Variants in CTIF observed in about 807,000 individuals in gnomAD.
CTIF encodes the protein CBP80/20-dependent translation initiation factor.
CTIF carries 21 observed loss-of-function variants against 66.0 expected under a neutral mutation model. That is an observed-to-expected ratio of 0.32 (90% confidence interval 0.23 to 0.46). The LOEUF is 0.46. Among genes scored for constraint, CTIF ranks in the 20% least tolerant of loss-of-function variants. CTIF has a pLI of 1.00. For missense variants in CTIF, 739 were observed against 812.7 expected (o/e 0.91, Z 1.10); for synonymous variants, 345 against 326.4 (o/e 1.06, Z -0.62).
Position 48,859,381 on chromosome 18 carries a change from C to T in CTIF, c.1619C>T (p.Pro540Leu). 1 of 1,614,126 alleles carries T rather than the reference C, an allele frequency of 6.2e-7. No individual in the cohort carries two copies. The highest frequency in any genetic ancestry group is 8.5e-7 in the Non-Finnish European group (1 of 1,180,034). Residue 540 changes from proline to leucine, a missense_variant, in exon 12 of 12, where the codon CCT becomes CTT. This residue lies in a region of CTIF where 210 missense variants were observed against 292.3 expected (regional missense o/e 0.72). Coordinates refer to ENST00000256413, the MANE Select transcript of CTIF (RefSeq NM_014772.3). ...STGRLLEEQL[P>L]EMMTELLASA... is the part of the protein sequence containing the mutation. Reference sequence around the variant, plus strand: ...GGCCGGCTGCTGGAGGAACAGCTGCCTGAGATGATGACAGAGCTCCTGGCC... The same window carrying T: ...GGCCGGCTGCTGGAGGAACAGCTGCTTGAGATGATGACAGAGCTCCTGGCC...
chr18:48,554,224 C>A (rs1427633540), intron 1 of CTIF, among the ~76,000 whole-genome samples: 1 of 152,184 alleles, frequency 6.6e-6, no homozygotes, highest in Non-Finnish European at 1.5e-5. Context: ...GCACTTCTTC[C>A]AATGGGAACA....
chr18:48,652,277 T>C (rs1381547263), intron 3 of CTIF, among the ~76,000 whole-genome samples: 4 of 151,704 alleles, frequency 2.6e-5, no homozygotes, highest in Non-Finnish European at 5.9e-5. Flanking sequence ...ATCAAATAGA[T>C]GCAATAAAAA....
intron 10 of CTIF, among the ~76,000 whole-genome samples, chr18:48,841,718 G>A (rs1024377882): frequency 2.6e-5 from 4 of 152,130 alleles, no homozygotes; most frequent in Non-Finnish European, 5.9e-5. Context: ...CCACCAGCCC[G>A]GTGCCTGGGA....
intron 2 of CTIF, among the ~76,000 whole-genome samples, chr18:48,633,194 G>T (rs972094410): frequency 6.6e-6 from 1 of 152,140 alleles, no homozygotes; most frequent in Non-Finnish European, 1.5e-5. Context: ...GGTCACCTAG[G>T]ATGGGATGAG....
chr18:48,730,332 C>CCTGAGGTGTGAGGGGCTT (rs1568171136), intron 7 of CTIF, among the ~76,000 whole-genome samples: 9 of 87,894 alleles, frequency 1.0e-4, no homozygotes, highest in African/African-American at 2.9e-4. Flanking sequence ...GTGAGGGGCC[C>CCTGAGGTGTGAGGGGCTT]CTGCGGTGTG....
In CTIF at chr18:48,737,147, A is replaced by G. The variant is rs574770605; in HGVS notation, c.585-20772A>G. Among the ~76,000 whole-genome samples the G allele has an allele frequency of 7.6e-4, 115 of 152,206 alleles. 4 individuals are homozygous for G. In the South Asian group the frequency reaches 0.018, roughly 24 times the overall value. On this transcript the variant is annotated intron_variant, in intron 7 of 11. Transcript: ENST00000256413. Reference sequence around the variant, plus strand: ...TCCTTCCTCCAAGGAGAAGTTGGCTAGTTCTGTGGCTTGGCCGGGAGTGGG... The same window carrying G: ...TCCTTCCTCCAAGGAGAAGTTGGCTGGTTCTGTGGCTTGGCCGGGAGTGGG...
At chr18:48,649,455 C>T (rs1483135224) in intron 3 of CTIF, among the ~76,000 whole-genome samples, 1 of 152,234 alleles carries the variant, frequency 6.6e-6, no homozygotes, top group South Asian at 2.1e-4. Flanking sequence ...TGGGGAAGCT[C>T]GAACTGGGCA....
chr18:48,718,035 C>T (rs1294443069), intron 7 of CTIF, among the ~76,000 whole-genome samples: 2 of 152,194 alleles, frequency 1.3e-5, no homozygotes, highest in Admixed American at 6.5e-5. Flanking sequence ...AGCCACCATA[C>T]CCAGCTACCT....
At chr18:48,811,602 T>C (rs2068259798) in intron 9 of CTIF, among the ~76,000 whole-genome samples, 1 of 152,188 alleles carries the variant, frequency 6.6e-6, no homozygotes, top group Non-Finnish European at 1.5e-5. Flanking sequence ...CATTCTACTG[T>C]CGTTTCTGTT....
At chr18:48,767,090 T>C (rs1341469236) in intron 9 of CTIF, among the ~76,000 whole-genome samples, 1 of 152,216 alleles carries the variant, frequency 6.6e-6, no homozygotes, top group African/African-American at 2.4e-5. Context: ...CCAACTTCTC[T>C]GGCTTTGCAG....
Position 48,861,497 on chromosome 18 carries a change from AGGC to A in CTIF, c.*1939_*1941del, listed in dbSNP as rs2069466591. 1 of 142,518 alleles carries A rather than the reference AGGC, an allele frequency of 7.0e-6. No individual in the cohort carries two copies. The highest frequency in any genetic ancestry group is 3.1e-5 in the African/African-American group (1 of 32,326). 8.8% of individuals were successfully genotyped at this position (142,518 alleles called of 1,614,324 possible). A position where few individuals can be genotyped will look rare whatever the true frequency, so the allele number is the denominator to read the frequency against. Reference sequence around the variant, plus strand: ...GGGCTGATGCGGGGCTGCTCAGGGCAGGCCCCAGGGCGAGCTTGCCATCGTGGC... The same window carrying A: ...GGGCTGATGCGGGGCTGCTCAGGGCACCCAGGGCGAGCTTGCCATCGTGGC... On this transcript the variant is annotated 3_prime_UTR_variant, in exon 12 of 12. Transcript: ENST00000256413.
intron 1 of CTIF, among the ~76,000 whole-genome samples, chr18:48,563,225 C>T (rs2089202549): frequency 6.6e-6 from 1 of 151,956 alleles, no homozygotes; most frequent in Non-Finnish European, 1.5e-5. Flanking sequence ...CACCCAGCCT[C>T]CTCCACCCTT....
At chr18:48,612,252 C>G (rs766279592) in intron 1 of CTIF, among the ~76,000 whole-genome samples, 2 of 152,156 alleles carry the variant, frequency 1.3e-5, no homozygotes, top group Admixed American at 6.6e-5. Flanking sequence ...GCTGGAGGGA[C>G]GCGGTTGGCA....
rs2069259941 is a variant in CTIF at position 48,853,692 on chromosome 18, G to A, written c.1528-3896G>A. ...GCTCTGGCCAATCAAGCACTCCTAC[G>A]GCCCTGGAGCCTGCACCCTAGTTTG... On this transcript the variant is annotated intron_variant, in intron 10 of 11. Coordinates refer to ENST00000256413, the MANE Select transcript of CTIF (RefSeq NM_014772.3). 2.0e-5 allele frequency among the ~76,000 whole-genome samples: 3 copies of A among 152,230 alleles called. No homozygotes were observed. In the South Asian group the frequency reaches 6.2e-4, roughly 32 times the overall value.
Position 48,595,144 on chromosome 18 carries a change from A to G in CTIF, c.-28-24394A>G, listed in dbSNP as rs73956943. ...AATGGACCCCCGAGCCTGGCCACCC[A>G]AGGGATGGGGTCAGGGGACCTGGCA... On this transcript the variant is annotated intron_variant, in intron 1 of 11. Transcript: ENST00000256413. 2.8e-3 allele frequency among the ~76,000 whole-genome samples: 432 copies of G among 152,280 alleles called. 1 individual carries two copies. Among genetic ancestry groups the G allele is most frequent in the African/African-American group, 0.01 (416 of 41,560 alleles).
intron 7 of CTIF, among the ~76,000 whole-genome samples, chr18:48,719,367 A>C (rs2092311409): frequency 6.6e-6 from 1 of 152,142 alleles, no homozygotes; most frequent in Non-Finnish European, 1.5e-5. Context: ...ATAGAGTCCC[A>C]CATCCTACAA....
intron 2 of CTIF, among the ~76,000 whole-genome samples, chr18:48,621,133 G>A (rs932414141): frequency 3.3e-5 from 5 of 152,172 alleles, no homozygotes; most frequent in Admixed American, 6.5e-5. Flanking sequence ...ATCTAGGATT[G>A]AGCAAAAAAG....
intron 6 of CTIF, among the ~76,000 whole-genome samples, chr18:48,687,771 T>C (rs1433632018): frequency 6.6e-6 from 1 of 152,204 alleles, no homozygotes; most frequent in Non-Finnish European, 1.5e-5. Flanking sequence ...CCTCTTCAAA[T>C]TGCCCTTAAG....
At chr18:48,712,426 A>G (rs2145491291) in intron 7 of CTIF, among the ~76,000 whole-genome samples, 1 of 152,378 alleles carries the variant, frequency 6.6e-6, no homozygotes. Flanking sequence ...TTTTAAGTGG[A>G]AAAAATTCAG....
Sources: allele counts gnomAD v4.1 joint callset (sites outside exome capture counted in the v4.1 genomes callset), GRCh38; gene constraint gnomAD v4.1.1; regional missense constraint gnomAD v4.1.1; transcripts MANE v1.5; gene names NCBI Gene and HGNC (gene_info 2026-07-23, HGNC 2026-07-21).